AIFM1: variants seen among roughly 807,000 people sequenced by gnomAD.
The protein encoded by AIFM1 is apoptosis-inducing factor 1, mitochondrial.
In AIFM1, 3 loss-of-function variants were observed where a neutral mutation model predicts 51.7. That is an observed-to-expected ratio of 0.06 (90% confidence interval 0.03 to 0.15). The LOEUF is 0.15. AIFM1 is among the 10% of genes least tolerant of loss of function. The pLI, the probability that AIFM1 is intolerant of heterozygous loss-of-function variation, is 1.00. For missense variants in AIFM1, 330 were observed against 476.8 expected (o/e 0.69, Z 2.87); for synonymous variants, 178 against 179.4 (o/e 0.99, Z 0.06).
At chrX:130,132,705 C>T (rs1260284788) in intron 13 of AIFM1, among the ~76,000 whole-genome samples, 1 of 110,847 alleles carries the variant, frequency 9.0e-6, no homozygotes, top group Admixed American at 9.6e-5. Context: ...ACCAGACCAG[C>T]CTTCATCTTT....
At chrX:130,148,070 T>TG in intron 3 of AIFM1, 194 bp from the exon 4 acceptor site, 1 of 513,391 alleles carries the variant, frequency 1.9e-6, no homozygotes, top group Non-Finnish European at 3.3e-6. Context: ...TTTCATTTCA[T>TG]AAGTGAAAAA....
intron 6 of AIFM1, among the ~76,000 whole-genome samples, chrX:130,142,245 T>C (rs2030604006): frequency 9.0e-6 from 1 of 111,320 alleles, no homozygotes; most frequent in Admixed American, 9.5e-5. Context: ...TCTAGTCAGG[T>C]TGGGTTGGGT....
chrX:130,158,432 G>A (rs1476977297), intron 1 of AIFM1, among the ~76,000 whole-genome samples: 1 of 111,178 alleles, frequency 9.0e-6, no homozygotes, highest in East Asian at 2.8e-4. Context: ...CCAATGCCCT[G>A]AAGGTTTTAT....
rs61752975 is a variant in AIFM1 at position 130,131,773 on chromosome X, T to C, written c.1475A>G (p.Tyr492Cys). The change falls in exon 14 of 16, where the codon TAT (tyrosine) becomes TGT (cysteine). Residue 492 changes from tyrosine (Y) to cysteine (C), a missense_variant. Around this residue, in one of 4 missense-constraint regions of AIFM1, gnomAD observed 152 missense variants for 292.8 expected, o/e 0.52. Coordinates refer to ENST00000287295, the MANE Select transcript of AIFM1 (RefSeq NM_004208.4). ...FWSDLGPDVG[Y>C]EAIGLVDSSL... ...ACTGTCCACAAGACCAATAGCTTCA[T>C]AGCCAACATCGGGGCCCAAATCACT... 10 of 1,211,696 alleles carry C rather than the reference T, an allele frequency of 8.3e-6. No individual in the cohort carries two copies. The highest frequency in any genetic ancestry group is 2.2e-5 in the Admixed American group (1 of 46,022).
At chrX:130,153,979 T>C (rs997941616) in intron 2 of AIFM1, among the ~76,000 whole-genome samples, 4 of 112,561 alleles carry the variant, frequency 3.6e-5, no homozygotes, top group Non-Finnish European at 5.6e-5. Flanking sequence ...TTTAAGTTCA[T>C]AGTTCTCTTG....
rs747653486 is a variant in AIFM1, at chrX:130,160,915, T to A, written c.107-4312A>T. 3.4e-4 allele frequency among the ~76,000 whole-genome samples: 37 copies of A among 108,873 alleles called. No homozygotes were observed. In the East Asian group the frequency reaches 0.01, roughly 30 times the overall value. 94.5% of individuals were successfully genotyped at this position (108,873 alleles called of 115,157 possible). ...ATAAATAAATAAATAAATAAATAAA[T>A]AAAATGAAAAAATAAACTTAAGAGT... On this transcript the variant is annotated intron_variant, in intron 1 of 15. Transcript: ENST00000287295.
chrX:130,150,461 A>G (rs1252617926), intron 2 of AIFM1, among the ~76,000 whole-genome samples: 1 of 97,089 alleles, frequency 1.0e-5, no homozygotes. Flanking sequence ...TCAGCCTCCC[A>G]AGTAGCTGGG....
At chrX:130,145,359 T>A in intron 6 of AIFM1, 120 bp downstream of exon 6, 1 of 592,321 alleles carries the variant, frequency 1.7e-6, no homozygotes, top group Non-Finnish European at 2.9e-6. Flanking sequence ...AGCAGCTCGA[T>A]CCTTCTTTGA....
chrX:130,153,541 C>G (rs5932720), intron 2 of AIFM1, among the ~76,000 whole-genome samples: 13,822 of 110,372 alleles, frequency 0.13, 857 homozygotes, highest in Non-Finnish European at 0.17. Flanking sequence ...CTGAATGTTT[C>G]CTATTCCTAT....
chrX:130,129,692 C>CAAT, intron 15 of AIFM1, 64 bp from the exon 16 acceptor site: 1 of 1,032,000 alleles, frequency 9.7e-7, no homozygotes, highest in Non-Finnish European at 1.4e-6. Context: ...CATGCCCACA[C>CAAT]AATGGGGCTA....
intron 8 of AIFM1, 128 bp downstream of exon 8, chrX:130,139,667 T>C (rs1453227120): frequency 5.0e-6 from 3 of 603,992 alleles, no homozygotes; most frequent in East Asian, 3.3e-5. Context: ...CAAGGCCAGA[T>C]AACAAGTCTG....
chrX:130,163,215 C>A (rs1315494337), intron 1 of AIFM1, among the ~76,000 whole-genome samples: 2 of 106,002 alleles, frequency 1.9e-5, no homozygotes, highest in Non-Finnish European at 3.8e-5. Context: ...GAGGCTGACG[C>A]AGGAGAATTG....
At chrX:130,140,864 C>T (rs5977211) in intron 6 of AIFM1, among the ~76,000 whole-genome samples, 1 of 112,346 alleles carries the variant, frequency 8.9e-6, no homozygotes, top group Non-Finnish European at 1.9e-5. Context: ...TGCCTGTAAT[C>T]CCAACACTTT....
intron 9 of AIFM1, 90 bp downstream of exon 9, chrX:130,138,503 C>T: frequency 1.5e-6 from 1 of 664,760 alleles, no homozygotes; most frequent in African/African-American, 2.1e-5. Context: ...TAAACTCTTC[C>T]TACTGATCCT....
chrX:130,160,883 A>AAAATAAATAAATAAAT lies in AIFM1; in HGVS notation c.107-4296_107-4281dup, dbSNP rs754564979. 4.5e-4 allele frequency among the ~76,000 whole-genome samples: 48 copies of AAAATAAATAAATAAAT among 107,066 alleles called. 1 individual carries two copies. Among genetic ancestry groups the AAAATAAATAAATAAAT allele is most frequent in the African/African-American group, 1.5e-3 (43 of 28,927 alleles). 93.0% of individuals were successfully genotyped at this position (107,066 alleles called of 115,157 possible). A position where few individuals can be genotyped will look rare whatever the true frequency, so the allele number is the denominator to read the frequency against. ...CATGGTGAAACCCCGTCTCTACTTA[A>AAAATAAATAAATAAAT]AAATAAATAAATAAATAAATAAATA... On this transcript the variant is annotated intron_variant, in intron 1 of 15. Transcript: ENST00000287295.
rs780068379 is a variant in AIFM1 at position 130,140,524 on chromosome X, A to G, written c.781+9T>C. ...ATCAGGGAAGAAAGCCATCTCCAGA[A>G]ATGCTCACCTGTTGCAATCAAGCAC... On this transcript the variant is annotated intron_variant, in intron 7 of 15. Transcript: ENST00000287295. The G allele has an allele frequency of 8.3e-7, 1 of 1,201,242 alleles. No individual in the cohort carries two copies. Among genetic ancestry groups the G allele is most frequent in the Non-Finnish European group, 1.1e-6 (1 of 885,987 alleles).
chrX:130,155,269 G>A (rs777941210), intron 2 of AIFM1: 6 of 1,210,767 alleles, frequency 5.0e-6, no homozygotes, highest in Non-Finnish European at 6.7e-6. Context: ...GGGGATCCTA[G>A]GTGATGAGAC....
In AIFM1 at chrX:130,165,743, C is replaced by T. The variant is rs887128820; in HGVS notation, c.-87G>A. 1.3e-6 allele frequency: 1 copy of T among 787,134 alleles called. No homozygotes were observed. Among genetic ancestry groups the T allele is most frequent in the South Asian group, 2.2e-5 (1 of 45,184 alleles). 64.9% of individuals were successfully genotyped at this position (787,134 alleles called of 1,213,427 possible). On this transcript the variant is annotated 5_prime_UTR_variant, in exon 1 of 16. Coordinates refer to ENST00000287295, the MANE Select transcript of AIFM1 (RefSeq NM_004208.4). ...AAACACCGTGAGCCCCGGCCAGCTC[C>T]CCCAGTCTCTTCACACGCACATTAC... is the stretch of plus-strand genomic sequence containing the variant.
rs775109386 is a variant in AIFM1 at position 130,136,036 on chromosome X, C to A, written c.1305+9G>T. The stretch of plus-strand genomic sequence containing the variant: ...TGAATTATGCCTGGTCATGCTGTAG[C>A]ACACTTACCACCCAGATGTTAGAGC... On this transcript the variant is annotated intron_variant, in intron 12 of 15. Coordinates refer to ENST00000287295, the MANE Select transcript of AIFM1 (RefSeq NM_004208.4). The A allele has an allele frequency of 1.2e-5, 14 of 1,211,686 alleles. No individual in the cohort carries two copies. Among genetic ancestry groups the A allele is most frequent in the Non-Finnish European group, 1.6e-5 (14 of 895,421 alleles).
Sources: allele counts gnomAD v4.1 joint callset (sites outside exome capture counted in the v4.1 genomes callset), GRCh38; gene constraint gnomAD v4.1.1; regional missense constraint gnomAD v4.1.1; transcripts MANE v1.5; gene names NCBI Gene and HGNC (gene_info 2026-07-23, HGNC 2026-07-21).